PDSS2: variants seen among roughly 807,000 people sequenced by gnomAD.
PDSS2 encodes decaprenyl diphosphate synthase subunit 2.
PDSS2 carries 31 observed loss-of-function variants against 44.5 expected under a neutral mutation model. The observed-to-expected ratio is 0.70, with a 90% CI of 0.52 to 0.94. The LOEUF is 0.94. Among genes scored for constraint, PDSS2 ranks in the 40% least tolerant of loss-of-function variants. The pLI is 0.00. For synonymous variants in PDSS2, 157 were observed against 180.3 expected (o/e 0.87, Z 1.03); for missense variants, 452 against 482.2 (o/e 0.94, Z 0.59).
At chr6:107,242,627 C>T (rs1774479773) in intron 4 of PDSS2, among the ~76,000 whole-genome samples, 1 of 152,150 alleles carries the variant, frequency 6.6e-6, no homozygotes, top group South Asian at 2.1e-4. Flanking sequence ...ATTGTAACGT[C>T]AAACTCCTGG....
At chr6:107,260,965 C>G (rs769139804) in intron 3 of PDSS2, among the ~76,000 whole-genome samples, 2 of 152,044 alleles carry the variant, frequency 1.3e-5, no homozygotes, top group Admixed American at 6.6e-5. Context: ...CCTGGCCCCC[C>G]CTCCATTTTC....
chr6:107,361,782 A>G (rs1211972498), intron 1 of PDSS2, among the ~76,000 whole-genome samples: 1 of 152,242 alleles, frequency 6.6e-6, no homozygotes, highest in African/African-American at 2.4e-5. Flanking sequence ...CAAAAGCAGT[A>G]ATTTGAGCAC....
chr6:107,376,222 T>G (rs575394036), intron 1 of PDSS2, among the ~76,000 whole-genome samples: 3 of 152,270 alleles, frequency 2.0e-5, no homozygotes, highest in African/African-American at 4.8e-5. Context: ...TTCTTTTGGC[T>G]TAGGATTGAC....
intron 3 of PDSS2, among the ~76,000 whole-genome samples, chr6:107,270,712 T>C (rs1464073980): frequency 6.6e-6 from 1 of 152,240 alleles, no homozygotes; most frequent in East Asian, 1.9e-4. Context: ...CTATTGTTAC[T>C]ATAAACTAAT....
intron 1 of PDSS2, among the ~76,000 whole-genome samples, chr6:107,347,445 CT>C (rs766358922): frequency 1.6e-4 from 25 of 151,758 alleles, no homozygotes; most frequent in Non-Finnish European, 3.1e-4. Flanking sequence ...AACTTTTTGT[CT>C]TTTCAGTAGA....
At chr6:107,296,169 G>T (rs939404342) in intron 2 of PDSS2, among the ~76,000 whole-genome samples, 13 of 152,142 alleles carry the variant, frequency 8.5e-5, no homozygotes, top group African/African-American at 3.1e-4. Flanking sequence ...CCTTTATTTT[G>T]TGAGTCATTG....
chr6:107,413,284 A>G (rs1022615450), intron 1 of PDSS2, among the ~76,000 whole-genome samples: 9 of 152,186 alleles, frequency 5.9e-5, no homozygotes, highest in Admixed American at 6.5e-5. Flanking sequence ...GCTCACACCT[A>G]TAATCCCAGC....
At chr6:107,411,620 T>C (rs1780496326) in intron 1 of PDSS2, among the ~76,000 whole-genome samples, 1 of 152,156 alleles carries the variant, frequency 6.6e-6, no homozygotes, top group South Asian at 2.1e-4. Context: ...GTACTGGGTA[T>C]ATACAGACTT....
At chr6:107,458,562 T>C (rs889900959) in intron 1 of PDSS2, among the ~76,000 whole-genome samples, 11 of 151,966 alleles carry the variant, frequency 7.2e-5, no homozygotes, top group African/African-American at 2.7e-4. Context: ...GAAAGAATTA[T>C]CTACCTTCAG....
rs529303805 is a variant in PDSS2 at position 107,364,390 on chromosome 6, C to T, written c.297-30058G>A. Among the ~76,000 whole-genome samples the T allele has an allele frequency of 3.6e-4, 55 of 151,576 alleles. No individual in the cohort carries two copies. In the South Asian group the frequency reaches 0.01, roughly 28 times the overall value. ...GCTGCAGGTCCCCAGCCCTGCCCCGCGGGAAGGCAGCTAAGGCCCGGCGAG... is the reference window on the plus strand; with the variant it reads ...GCTGCAGGTCCCCAGCCCTGCCCCGTGGGAAGGCAGCTAAGGCCCGGCGAG... On this transcript the variant is annotated intron_variant, in intron 1 of 7. Transcript: ENST00000369037.
intron 1 of PDSS2, among the ~76,000 whole-genome samples, chr6:107,405,778 C>T (rs1336758091): frequency 2.1e-5 from 3 of 144,846 alleles, no homozygotes; most frequent in Admixed American, 7.2e-5. Flanking sequence ...ACCCGGGAGG[C>T]GGAGCTTGCA....
At chr6:107,414,599 C>G (rs1780602981) in intron 1 of PDSS2, among the ~76,000 whole-genome samples, 1 of 152,238 alleles carries the variant, frequency 6.6e-6, no homozygotes, top group African/African-American at 2.4e-5. Context: ...CTCAGAAATA[C>G]TTCCTTCTGC....
intron 1 of PDSS2, among the ~76,000 whole-genome samples, chr6:107,350,516 C>T (rs1778399069): frequency 6.6e-6 from 1 of 152,140 alleles, no homozygotes; most frequent in Non-Finnish European, 1.5e-5. Context: ...AATGATTCAA[C>T]AGTGAAAGTT....
At chr6:107,426,320 T>C (rs534593333) in intron 1 of PDSS2, among the ~76,000 whole-genome samples, 16 of 152,262 alleles carry the variant, frequency 1.1e-4, no homozygotes, top group Admixed American at 3.9e-4. Context: ...TTTGAGTGTA[T>C]AGAAGTCAAG....
rs78196162 is a variant in PDSS2, at chr6:107,319,235, A to C, written c.431+14963T>G. Among the ~76,000 whole-genome samples the C allele has an allele frequency of 0.013, 1,995 of 152,270 alleles. 116 individuals carry two copies. In the East Asian group the frequency reaches 0.19, roughly 14 times the overall value. ...TGTTTCTTCTCTTATACCTTCAGGG[A>C]GTGTAAACCAAATAGAAAGTTTCCC... On this transcript the variant is annotated intron_variant, in intron 2 of 7. Transcript: ENST00000369037.
At chr6:107,210,692 A>G (rs1582790927) in intron 5 of PDSS2, 122 bp from the exon 6 acceptor site, 2 of 686,228 alleles carry the variant, frequency 2.9e-6, no homozygotes, top group East Asian at 5.5e-5. Context: ...CAGTTTTTAG[A>G]TATACTTTAA....
rs758285878 is a variant in PDSS2 at position 107,459,309 on chromosome 6, G to C, written c.-24C>G. On this transcript the variant is annotated 5_prime_UTR_variant, in exon 1 of 8. Coordinates refer to ENST00000369037, the MANE Select transcript of PDSS2 (RefSeq NM_020381.4). This position sits in a 1 kb window ranked among gnomAD's most constrained non-coding sequence, Gnocchi z 4.3. ...ATGGTTTGAGTCTGGAAGGGTCTGGGACCTGGGGGTATCCAGAAGTGCCGC... is the reference window on the plus strand; with the variant it reads ...ATGGTTTGAGTCTGGAAGGGTCTGGCACCTGGGGGTATCCAGAAGTGCCGC... The C allele has an allele frequency of 6.2e-7, 1 of 1,608,838 alleles. No homozygotes were observed. Among genetic ancestry groups the C allele is most frequent in the Non-Finnish European group, 8.5e-7 (1 of 1,176,236 alleles).
chr6:107,339,785 A>G (rs919842110), intron 1 of PDSS2, among the ~76,000 whole-genome samples: 3 of 152,164 alleles, frequency 2.0e-5, no homozygotes, highest in Non-Finnish European at 4.4e-5. Context: ...AGAGCACTGT[A>G]TGAAGTGAAA....
intron 4 of PDSS2, among the ~76,000 whole-genome samples, chr6:107,232,060 A>G (rs912852362): frequency 6.6e-6 from 1 of 152,068 alleles, no homozygotes; most frequent in Non-Finnish European, 1.5e-5. Context: ...AGACACGGGT[A>G]CCTGATTTGT....
Sources: gnomAD v4.1 joint callset for allele counts (sites outside exome capture counted in the v4.1 genomes callset) on GRCh38, gnomAD v4.1.1 for gene constraint, Gnocchi (gnomAD v3.1) non-coding constraint, MANE v1.5 for transcripts, NCBI Gene and HGNC (gene_info 2026-07-23, HGNC 2026-07-21) for gene names.